Variants in FAM184B observed in about 807,000 individuals in gnomAD.
FAM184B encodes protein FAM184B.
In FAM184B, 111 loss-of-function variants were observed where a neutral mutation model predicts 135.9. That is an observed-to-expected ratio of 0.82 (90% CI 0.70 to 0.96). FAM184B has a LOEUF of 0.96. Ranked by LOEUF, FAM184B falls within the 40% of genes least tolerant of loss-of-function variation. The pLI is 0.00. For synonymous variants in FAM184B, 552 were observed against 524.8 expected, an observed-to-expected ratio of 1.05 and a Z score of -0.71; for missense variants, 1,375 against 1,323.9, an observed-to-expected ratio of 1.04 and a Z score of -0.60.
intron 1 of FAM184B, among the ~76,000 whole-genome samples, chr4:17,738,914 T>C (rs1717965342): frequency 6.6e-6 from 1 of 152,212 alleles, no homozygotes; most frequent in Non-Finnish European, 1.5e-5. Flanking sequence ...ATGTGATCTC[T>C]GCACACGCCA....
intron 1 of FAM184B, among the ~76,000 whole-genome samples, chr4:17,741,555 G>A (rs191786095): frequency 2.1e-4 from 32 of 152,228 alleles, no homozygotes; most frequent in Admixed American, 9.8e-4. Flanking sequence ...GTAGCTGGGC[G>A]TGGTGGCGCA....
At chr4:17,717,725 T>C (rs769613787) in intron 1 of FAM184B, among the ~76,000 whole-genome samples, 7 of 152,160 alleles carry the variant, frequency 4.6e-5, no homozygotes, top group Non-Finnish European at 1.0e-4. Flanking sequence ...TTAATGGCTT[T>C]TAAGCATCAG....
intron 7 of FAM184B, among the ~76,000 whole-genome samples, chr4:17,669,502 G>A (rs772634835): frequency 1.3e-5 from 2 of 152,100 alleles, no homozygotes; most frequent in African/African-American, 2.4e-5. Flanking sequence ...GTCTCAAAAG[G>A]AAAATTCAAG....
chr4:17,709,861 G>C lies in FAM184B; in HGVS notation c.142-217C>G, dbSNP rs540235338. 2.0e-5 allele frequency among the ~76,000 whole-genome samples: 3 copies of C among 152,332 alleles called. No homozygotes were observed. In the South Asian group the frequency reaches 6.2e-4, roughly 32 times the overall value. On this transcript the variant is annotated intron_variant, in intron 1 of 17. Transcript: ENST00000265018. Reference sequence around the variant, plus strand: ...GGGAAGGACTTGGATTGGGAGCAAAGGGGTGACATTGCACAAAGGCCCCAG... The same window carrying C: ...GGGAAGGACTTGGATTGGGAGCAAACGGGTGACATTGCACAAAGGCCCCAG...
At chr4:17,774,941 C>T (rs935478602) in intron 1 of FAM184B, among the ~76,000 whole-genome samples, 2 of 150,702 alleles carry the variant, frequency 1.3e-5, no homozygotes, top group East Asian at 1.9e-4. Flanking sequence ...CTTCCTTAAA[C>T]GTAAGATCAG....
At chr4:17,746,498 A>C (rs547519983) in intron 1 of FAM184B, among the ~76,000 whole-genome samples, 2 of 151,612 alleles carry the variant, frequency 1.3e-5, no homozygotes, top group Non-Finnish European at 2.9e-5. Flanking sequence ...TGGGAGGCTG[A>C]GGTGGGTGGA....
chr4:17,703,464 C>T (rs1352215658), intron 5 of FAM184B, among the ~76,000 whole-genome samples: 3 of 151,370 alleles, frequency 2.0e-5, no homozygotes, highest in Non-Finnish European at 2.9e-5. Flanking sequence ...CACCAATGCA[C>T]TCCAGCCTGG....
chr4:17,745,886 C>T (rs2108985671), intron 1 of FAM184B, among the ~76,000 whole-genome samples: 1 of 152,272 alleles, frequency 6.6e-6, no homozygotes, highest in Admixed American at 6.5e-5. Context: ...AAGATGATTG[C>T]ATATTTAGAT....
At chr4:17,688,381 A>G (rs1208345192) in intron 7 of FAM184B, 43 bp downstream of exon 7, 1 of 1,450,844 alleles carries the variant, frequency 6.9e-7, no homozygotes, top group Non-Finnish European at 9.4e-7. Context: ...TGAGACCGAG[A>G]AAAGAAATAT....
intron 1 of FAM184B, among the ~76,000 whole-genome samples, chr4:17,719,355 G>T (rs1717468019): frequency 1.3e-5 from 2 of 152,174 alleles, no homozygotes; most frequent in Non-Finnish European, 2.9e-5. Flanking sequence ...GACGGCACAA[G>T]ATTTCATCAT....
intron 1 of FAM184B, among the ~76,000 whole-genome samples, chr4:17,724,017 C>T (rs1304460570): frequency 6.6e-6 from 1 of 151,934 alleles, no homozygotes; most frequent in Non-Finnish European, 1.5e-5. Flanking sequence ...TCACACATGC[C>T]ACCACTATAC....
intron 15 of FAM184B, 144 bp downstream of exon 15, chr4:17,636,384 T>G: frequency 1.3e-5 from 9 of 667,474 alleles, no homozygotes; most frequent in Non-Finnish European, 2.3e-5. Flanking sequence ...ATTACAGGCT[T>G]GAGCCACCGC....
chr4:17,759,734 G>A (rs1041841776), intron 1 of FAM184B, among the ~76,000 whole-genome samples: 4 of 152,080 alleles, frequency 2.6e-5, no homozygotes, highest in Non-Finnish European at 2.9e-5. Context: ...CATCTCAGGT[G>A]ATCCACCCAC....
rs902554203 is a variant in FAM184B, at chr4:17,781,071, C to T, written c.141+88G>A. On this transcript the variant is annotated intron_variant, in intron 1 of 17. Transcript: ENST00000265018. The surrounding 1 kb of genome is among the most constrained non-coding windows in gnomAD (Gnocchi z 6.5). ...GACAAAGTTTCTGTCTGGATTTGGC[C>T]CGGGCCTCCCGGGAGGCGCATCCGC... The T allele has an allele frequency of 4.3e-6, 6 of 1,409,372 alleles. No individual in the cohort carries two copies. The highest frequency in any genetic ancestry group is 5.6e-6 in the Non-Finnish European group (6 of 1,073,396). 87.3% of individuals were successfully genotyped at this position (1,409,372 alleles called of 1,614,324 possible).
At chr4:17,743,260 G>C (rs1284043530) in intron 1 of FAM184B, among the ~76,000 whole-genome samples, 1 of 152,244 alleles carries the variant, frequency 6.6e-6, no homozygotes, top group Non-Finnish European at 1.5e-5. Flanking sequence ...TGGCTGGGAT[G>C]GGGGTGGGGA....
chr4:17,667,043 C>T (rs1317501787), intron 7 of FAM184B, among the ~76,000 whole-genome samples: 2 of 151,884 alleles, frequency 1.3e-5, no homozygotes, highest in Non-Finnish European at 2.9e-5. Flanking sequence ...ACTGGAGCCT[C>T]GACTTCCGAG....
intron 5 of FAM184B, among the ~76,000 whole-genome samples, chr4:17,700,627 A>G (rs1217167956): frequency 6.6e-6 from 1 of 152,180 alleles, no homozygotes; most frequent in African/African-American, 2.4e-5. Context: ...CTTGAACAAT[A>G]CTATCAACAA....
rs949695322 is a variant in FAM184B, at chr4:17,781,037, G to A, written c.141+122C>T. On this transcript the variant is annotated intron_variant, in intron 1 of 17. Transcript: ENST00000265018. This position sits in a 1 kb window ranked among gnomAD's most constrained non-coding sequence, Gnocchi z 6.5. ...TTTAGGACCGCTTCCCTTCCCGGTT[G>A]GCCTCCGAGACAAAGTTTCTGTCTG... 4.0e-5 allele frequency: 50 copies of A among 1,238,634 alleles called. No individual in the cohort carries two copies. The highest frequency in any genetic ancestry group is 5.0e-5 in the Non-Finnish European group (46 of 923,228). The allele number at this position is 1,238,634 out of a possible 1,614,324, so 76.7% of individuals were successfully genotyped here. A position where few individuals can be genotyped will look rare whatever the true frequency, so the allele number is the denominator to read the frequency against.
chr4:17,722,002 C>A (rs1717542899), intron 1 of FAM184B, among the ~76,000 whole-genome samples: 1 of 152,090 alleles, frequency 6.6e-6, no homozygotes, highest in Non-Finnish European at 1.5e-5. Context: ...GAGATGCAGG[C>A]AGGAAGAAGA....
Sources: allele counts gnomAD v4.1 joint callset (sites outside exome capture counted in the v4.1 genomes callset), GRCh38; gene constraint gnomAD v4.1.1; non-coding constraint Gnocchi (gnomAD v3.1); transcripts MANE v1.5; gene names NCBI Gene and HGNC (gene_info 2026-07-23, HGNC 2026-07-21).